The following AKAP6 variants were observed in gnomAD, a reference collection of about 807,000 sequenced individuals.
The protein encoded by AKAP6 is A-kinase anchor protein 6.
AKAP6 carries 58 observed loss-of-function variants against 188.5 expected under a neutral mutation model. That is an observed-to-expected ratio of 0.31 (90% CI 0.25 to 0.38). AKAP6 has a LOEUF of 0.38. Ranked by LOEUF, AKAP6 falls within the 10% of genes least tolerant of loss-of-function variation. AKAP6 has a pLI of 1.00. For synonymous variants in AKAP6, 989 were observed against 998.6 expected (o/e 0.99, Z 0.18); for missense variants, 2,710 against 2,740.0 (o/e 0.99, Z 0.24).
intron 5 of AKAP6, among the ~76,000 whole-genome samples, chr14:32,588,031 A>G (rs1056094505): frequency 3.3e-5 from 5 of 152,226 alleles, no homozygotes; most frequent in African/African-American, 9.6e-5. Context: ...AAAAACATTA[A>G]ATTATACTTA....
intron 4 of AKAP6, among the ~76,000 whole-genome samples, chr14:32,549,506 G>A (rs1392535587): frequency 1.3e-5 from 2 of 152,130 alleles, no homozygotes; most frequent in South Asian, 4.1e-4. Context: ...TTTGTCATCA[G>A]AGATCAGTGA....
At chr14:32,583,029 T>A (rs1268106084) in intron 5 of AKAP6, among the ~76,000 whole-genome samples, 1 of 152,256 alleles carries the variant, frequency 6.6e-6, no homozygotes. Flanking sequence ...CTGTTGCTGG[T>A]GAGGAACTGC....
intron 2 of AKAP6, among the ~76,000 whole-genome samples, chr14:32,458,836 T>G: frequency 6.6e-6 from 1 of 151,550 alleles, no homozygotes. Flanking sequence ...GAATTAGAAA[T>G]AAAAGGAAAA....
chr14:32,605,385 CTG>C lies in AKAP6; in HGVS notation c.2730+4596_2730+4597del. On this transcript the variant is annotated intron_variant, in intron 7 of 13. Coordinates refer to ENST00000280979, the MANE Select transcript of AKAP6 (RefSeq NM_004274.5). ...ATACAAAGATAGAGAGGTGTAAAAA[CTG>C]TGGTGTGGCTGGAACCTGGGACCTT... Among the ~76,000 whole-genome samples the C allele has an allele frequency of 2.0e-5, 3 of 152,184 alleles. No individual in the cohort carries two copies. In the Middle Eastern group the frequency reaches 0.01, roughly 518 times the overall value.
intron 4 of AKAP6, among the ~76,000 whole-genome samples, chr14:32,570,071 T>C (rs1351122101): frequency 6.6e-6 from 1 of 151,418 alleles, no homozygotes; most frequent in Non-Finnish European, 1.5e-5. Flanking sequence ...GACTCCCTCT[T>C]CTAAATGCCC....
At chr14:32,799,349 T>G (rs1025636622) in intron 12 of AKAP6, among the ~76,000 whole-genome samples, 1 of 152,202 alleles carries the variant, frequency 6.6e-6, no homozygotes, top group Admixed American at 6.5e-5. Context: ...TTCTTCTGCT[T>G]CATTTAGGCT....
intron 7 of AKAP6, among the ~76,000 whole-genome samples, chr14:32,611,781 A>G (rs1433887301): frequency 2.0e-5 from 3 of 152,302 alleles, no homozygotes; most frequent in Admixed American, 6.5e-5. Context: ...GCATGTTTAT[A>G]GACTGAAGAA....
At chr14:32,402,262 C>A (rs1889119810) in intron 1 of AKAP6, 1 of 152,222 alleles carries the variant, frequency 6.6e-6, no homozygotes. Flanking sequence ...TGTGTGATAT[C>A]TTTTCAGCAG....
chr14:32,356,022 C>T (rs918089441), intron 1 of AKAP6, among the ~76,000 whole-genome samples: 2 of 152,178 alleles, frequency 1.3e-5, no homozygotes, highest in Non-Finnish European at 2.9e-5. Context: ...AAGTGATCCT[C>T]TTGCCTCAGC....
In AKAP6 at chr14:32,331,040, G is replaced by A. The variant is rs540324000; in HGVS notation, c.-35+1632G>A. ...CTAAGTCGAAAGCTCTAAGGTGACA[G>A]GGAAGAGTGCTAGATGGTGATGGGG... On this transcript the variant is annotated intron_variant, in intron 1 of 13. Transcript: ENST00000280979. Among the ~76,000 whole-genome samples the A allele has an allele frequency of 2.6e-5, 4 of 152,162 alleles. No individual in the cohort carries two copies. In the South Asian group the frequency reaches 8.3e-4, roughly 32 times the overall value.
chr14:32,635,811 G>A (rs1887461017), intron 7 of AKAP6, among the ~76,000 whole-genome samples: 2 of 152,088 alleles, frequency 1.3e-5, no homozygotes, highest in African/African-American at 4.8e-5. Flanking sequence ...ATGTGTGAAG[G>A]TTGTAGGAAT....
chr14:32,764,552 T>C (rs1594923518), intron 11 of AKAP6, among the ~76,000 whole-genome samples: 1 of 152,212 alleles, frequency 6.6e-6, no homozygotes, highest in South Asian at 2.1e-4. Flanking sequence ...ATGTAGCATA[T>C]TGTTTTTGTG....
chr14:32,376,449 C>T (rs920842998), intron 1 of AKAP6, among the ~76,000 whole-genome samples: 7 of 152,122 alleles, frequency 4.6e-5, no homozygotes, highest in South Asian at 2.1e-4. Flanking sequence ...ATGGAGTCTA[C>T]GTCTGTTTCA....
At chr14:32,520,124 A>C (rs1275841676) in intron 2 of AKAP6, among the ~76,000 whole-genome samples, 1 of 152,240 alleles carries the variant, frequency 6.6e-6, no homozygotes, top group Non-Finnish European at 1.5e-5. Context: ...TGAAGGCAGA[A>C]ATAAAGATGT....
intron 11 of AKAP6, among the ~76,000 whole-genome samples, chr14:32,760,456 A>G (rs2032498701): frequency 6.6e-6 from 1 of 152,170 alleles, no homozygotes; most frequent in African/African-American, 2.4e-5. Flanking sequence ...ACAAGTAGTT[A>G]TTATCAAACT....
At chr14:32,790,980 G>C (rs192452021) in intron 12 of AKAP6, among the ~76,000 whole-genome samples, 154 of 152,220 alleles carry the variant, frequency 1.0e-3, no homozygotes, top group Admixed American at 2.4e-3. Flanking sequence ...AGTATTCCAT[G>C]GTGTATATGT....
rs189896227 is a variant in AKAP6 at position 32,762,770 on chromosome 14, T to C, written c.3373-10908T>C. ...CTATTCATCCAAGGATCTTCAAGAA[T>C]TTACAGTATTAATTAATAATCCTGG... On this transcript the variant is annotated intron_variant, in intron 11 of 13. Transcript: ENST00000280979. Among the ~76,000 whole-genome samples, 165 of 152,214 alleles carry C rather than the reference T, an allele frequency of 1.1e-3. 2 individuals are homozygous for C. The highest frequency in any genetic ancestry group is 3.4e-3 in the African/African-American group (140 of 41,572).
chr14:32,624,081 A>AT (rs1304122737), intron 7 of AKAP6, among the ~76,000 whole-genome samples: 1 of 152,162 alleles, frequency 6.6e-6, no homozygotes, highest in Non-Finnish European at 1.5e-5. Context: ...ATGATTTGGA[A>AT]TAAAAAAAGA....
chr14:32,808,368 T>G (rs1385661080), intron 12 of AKAP6, among the ~76,000 whole-genome samples: 1 of 152,172 alleles, frequency 6.6e-6, no homozygotes, highest in Non-Finnish European at 1.5e-5. Context: ...TATTGCCTAC[T>G]CCACCTCCTA....
Sources: allele counts gnomAD v4.1 joint callset (sites outside exome capture counted in the v4.1 genomes callset), GRCh38; gene constraint gnomAD v4.1.1; transcripts MANE v1.5; gene names NCBI Gene and HGNC (gene_info 2026-07-23, HGNC 2026-07-21).